GPM6A: variants seen among roughly 807,000 people sequenced by gnomAD.
GPM6A encodes the protein neuronal membrane glycoprotein M6-a.
In GPM6A, 7 loss-of-function variants were observed where a neutral mutation model predicts 32.1. That is an observed-to-expected ratio of 0.22 (90% CI 0.12 to 0.41). GPM6A has a LOEUF of 0.41. GPM6A is among the 10% of genes least tolerant of loss of function. The pLI, the probability that GPM6A is intolerant of heterozygous loss-of-function variation, is 1.00. For missense variants in GPM6A, 235 were observed against 347.2 expected, an observed-to-expected ratio of 0.68 and a Z score of 2.57; for synonymous variants, 130 against 123.4, an observed-to-expected ratio of 1.05 and a Z score of -0.35.
At chr4:175,960,091 T>C (rs1740119816) in intron 1 of GPM6A, among the ~76,000 whole-genome samples, 1 of 152,188 alleles carries the variant, frequency 6.6e-6, no homozygotes, top group African/African-American at 2.4e-5. Flanking sequence ...TAGGACCAAA[T>C]CATAGTCAAA....
At chr4:175,763,398 T>C (rs370556408) in intron 1 of GPM6A, among the ~76,000 whole-genome samples, 89 of 152,310 alleles carry the variant, frequency 5.8e-4, no homozygotes, top group African/African-American at 2.1e-3. Flanking sequence ...GTGATTACCA[T>C]CAAGTATTTT....
chr4:175,636,759 C>T (rs542383196), intron 6 of GPM6A, among the ~76,000 whole-genome samples: 1 of 149,482 alleles, frequency 6.7e-6, no homozygotes, highest in Non-Finnish European at 1.5e-5. Flanking sequence ...TCATGATACT[C>T]TCCTCTAGCC....
intron 1 of GPM6A, among the ~76,000 whole-genome samples, chr4:175,760,447 T>C (rs1201245821): frequency 6.6e-6 from 1 of 152,084 alleles, no homozygotes; most frequent in Non-Finnish European, 1.5e-5. Context: ...ACAACAACCT[T>C]GGGGGACTAT....
At chr4:175,853,685 A>G (rs1281414983) in intron 1 of GPM6A, among the ~76,000 whole-genome samples, 1 of 152,056 alleles carries the variant, frequency 6.6e-6, no homozygotes, top group Admixed American at 6.6e-5. Flanking sequence ...AAAGGAAAAT[A>G]CCCAACAAAT....
At chr4:175,753,776 T>C (rs1732427183) in intron 1 of GPM6A, among the ~76,000 whole-genome samples, 1 of 152,162 alleles carries the variant, frequency 6.6e-6, no homozygotes, top group Non-Finnish European at 1.5e-5. Flanking sequence ...CCTATTTCCA[T>C]TTTTAGTGTA....
intron 3 of GPM6A, among the ~76,000 whole-genome samples, chr4:175,664,260 G>T (rs1303839481): frequency 6.6e-6 from 1 of 152,126 alleles, no homozygotes; most frequent in African/African-American, 2.4e-5. Context: ...TACTGTAATG[G>T]TTGATACACA....
At chr4:175,731,924 C>G (rs922596962) in intron 1 of GPM6A, among the ~76,000 whole-genome samples, 1 of 151,640 alleles carries the variant, frequency 6.6e-6, no homozygotes, top group African/African-American at 2.4e-5. Context: ...ATGTTCTTCC[C>G]TCAGGTAGGG....
chr4:175,956,507 A>G (rs1739991299), intron 1 of GPM6A, among the ~76,000 whole-genome samples: 4 of 152,174 alleles, frequency 2.6e-5, no homozygotes, highest in Non-Finnish European at 1.5e-5. Context: ...TAAGTTTTAA[A>G]CCAATAGTTA....
At chr4:175,811,532 C>G (rs1734919032) in intron 1 of GPM6A, among the ~76,000 whole-genome samples, 1 of 152,070 alleles carries the variant, frequency 6.6e-6, no homozygotes, top group South Asian at 2.1e-4. Context: ...GCCAGATATA[C>G]CTAGACAAGC....
chr4:175,835,700 A>G (rs894996526), intron 1 of GPM6A, among the ~76,000 whole-genome samples: 6 of 147,102 alleles, frequency 4.1e-5, no homozygotes, highest in Non-Finnish European at 7.5e-5. Context: ...AAATATATAT[A>G]ATATATACTT....
At chr4:175,790,964 T>G (rs539256751) in intron 1 of GPM6A, among the ~76,000 whole-genome samples, 2 of 152,282 alleles carry the variant, frequency 1.3e-5, no homozygotes, top group South Asian at 4.1e-4. Flanking sequence ...CAATTAAAGT[T>G]TGCTTTAATG....
chr4:175,652,103 G>A, intron 3 of GPM6A, 116 bp from the exon 4 acceptor site: 4 of 651,170 alleles, frequency 6.1e-6, no homozygotes, highest in Non-Finnish European at 5.1e-6. Flanking sequence ...ACATAAGTCA[G>A]TATCACAACA....
Position 175,721,697 on chromosome 4 carries a change from T to C in GPM6A, c.38-19930A>G, listed in dbSNP as rs190721105. ...TATAGAAGACAATAAATATTCTGTA[T>C]TCTCGATGAAAAACTGTTGACACTT... On this transcript the variant is annotated intron_variant, in intron 1 of 6. Coordinates refer to ENST00000393658, the MANE Select transcript of GPM6A (RefSeq NM_201591.3). Among the ~76,000 whole-genome samples, 8 of 152,336 alleles carry C rather than the reference T, an allele frequency of 5.3e-5. No individual in the cohort carries two copies. In the East Asian group the frequency reaches 1.3e-3, roughly 26 times the overall value.
intron 1 of GPM6A, among the ~76,000 whole-genome samples, chr4:175,731,369 C>G (rs148127477): frequency 0.033 from 4,954 of 152,230 alleles, 111 homozygotes; most frequent in Non-Finnish European, 0.048. Context: ...ACTTACTGAA[C>G]TTCTACACTT....
At chr4:175,857,338 G>A (rs1341500030) in intron 1 of GPM6A, among the ~76,000 whole-genome samples, 1 of 152,042 alleles carries the variant, frequency 6.6e-6, no homozygotes, top group Non-Finnish European at 1.5e-5. Flanking sequence ...ATGAAGCAAA[G>A]AATTACAAGA....
At chr4:175,660,550 A>T (rs1226903970) in intron 3 of GPM6A, among the ~76,000 whole-genome samples, 1 of 152,206 alleles carries the variant, frequency 6.6e-6, no homozygotes, top group Admixed American at 6.5e-5. Context: ...TATAATGCTG[A>T]ATAAAGGAAA....
intron 1 of GPM6A, among the ~76,000 whole-genome samples, chr4:175,966,353 G>T (rs1740334258): frequency 6.6e-6 from 1 of 151,882 alleles, no homozygotes; most frequent in African/African-American, 2.4e-5. Flanking sequence ...AGTGAGCTGA[G>T]ATGGAGCTTC....
At chr4:175,876,826 C>A (rs1322969709) in intron 1 of GPM6A, among the ~76,000 whole-genome samples, 1 of 152,136 alleles carries the variant, frequency 6.6e-6, no homozygotes, top group Non-Finnish European at 1.5e-5. Flanking sequence ...AAGTCACAGT[C>A]TAGTATTTGT....
At chr4:175,642,241 C>G (rs1030066774) in intron 4 of GPM6A, among the ~76,000 whole-genome samples, 1 of 152,134 alleles carries the variant, frequency 6.6e-6, no homozygotes, top group Non-Finnish European at 1.5e-5. Flanking sequence ...GAGATTTCCT[C>G]CCTAAAAAAT....
Sources: allele counts gnomAD v4.1 joint callset (sites outside exome capture counted in the v4.1 genomes callset), GRCh38; gene constraint gnomAD v4.1.1; transcripts MANE v1.5; gene names NCBI Gene and HGNC (gene_info 2026-07-23, HGNC 2026-07-21).